CACNA1E: variants seen among roughly 807,000 people sequenced by gnomAD.
CACNA1E encodes the protein calcium voltage-gated channel subunit alpha1 E.
CACNA1E carries 40 observed loss-of-function variants against 259.2 expected under a neutral mutation model. That is an observed-to-expected ratio of 0.15 (90% CI 0.12 to 0.20). The LOEUF (loss-of-function observed/expected upper bound fraction) is 0.20, where lower values mean the gene tolerates loss of function less well. CACNA1E is among the 10% of genes least tolerant of loss of function. The pLI is 1.00. For synonymous variants in CACNA1E, 1,104 were observed against 1,138.5 expected (o/e 0.97, Z 0.61); for missense variants, 1,874 against 3,040.1 (o/e 0.62, Z 9.02).
chr1:181,558,619 T>C (rs1480495341), intron 3 of CACNA1E, among the ~76,000 whole-genome samples: 1 of 152,064 alleles, frequency 6.6e-6, no homozygotes, highest in Admixed American at 6.6e-5. Context: ...CAAAATTAGT[T>C]CAGGTGACTG....
intron 7 of CACNA1E, among the ~76,000 whole-genome samples, chr1:181,674,394 C>CAAAAAAAAAAA (rs10711497): frequency 2.3e-5 from 1 of 43,586 alleles, no homozygotes; most frequent in Non-Finnish European, 4.2e-5. Context: ...GACTCCATCT[C>CAAAAAAAAAAA]AAAAAAAAAA....
chr1:181,756,998 A>C lies in CACNA1E; in HGVS notation c.4201A>C (p.Ile1401Leu). Residue 1401 changes from isoleucine (I) to leucine (L), a missense_variant, in exon 30 of 48, where the codon ATC becomes CTC. Physicochemically the swap from Ile to Leu is conservative, Grantham distance 5. Transcript: ENST00000367573. ...CCGCAGCAACCGCATGGAGATGTCT[A>C]TCTTTTATGTAGTCTACTTTGTGGT... Reference protein sequence around the residue: ...PSRSNRMEMSIFYVVYFVVFP... With the variant: ...PSRSNRMEMSLFYVVYFVVFP... 6.2e-7 allele frequency: 1 copy of C among 1,613,772 alleles called. No homozygotes were observed. Among genetic ancestry groups the C allele is most frequent in the Non-Finnish European group, 8.5e-7 (1 of 1,179,656 alleles).
At chr1:181,649,485 A>G (rs188612965) in intron 6 of CACNA1E, among the ~76,000 whole-genome samples, 81 of 152,306 alleles carry the variant, frequency 5.3e-4, no homozygotes, top group South Asian at 5.0e-3. Context: ...CAACCCAGCA[A>G]TCCCATTACT....
rs1161320918 is a variant in CACNA1E at position 181,806,041 on chromosome 1, T to G, written c.*7207T>G. 2 of 152,236 alleles carry G rather than the reference T, an allele frequency of 1.3e-5. No homozygotes were observed. Among genetic ancestry groups the G allele is most frequent in the African/African-American group, 2.4e-5 (1 of 41,450 alleles). The allele number at this position is 152,236 out of a possible 1,614,324, so 9.4% of individuals were successfully genotyped here. A position where few individuals can be genotyped will look rare whatever the true frequency, so the allele number is the denominator to read the frequency against. The stretch of plus-strand genomic sequence containing the variant: ...TTAAACTCACCTAGGGTAGTGGCTT[T>G]GAAGGCCTCAGAGGATTAATAGATT... On this transcript the variant is annotated 3_prime_UTR_variant, in exon 48 of 48. Coordinates refer to ENST00000367573, the MANE Select transcript of CACNA1E (RefSeq NM_001205293.3).
intron 3 of CACNA1E, among the ~76,000 whole-genome samples, chr1:181,553,406 C>G (rs539310071): frequency 9.2e-5 from 14 of 152,034 alleles, no homozygotes; most frequent in Non-Finnish European, 1.6e-4. Context: ...TTTTGGGCTG[C>G]GATGATGGGG....
chr1:181,723,791 G>A (rs1654631738), intron 16 of CACNA1E, among the ~76,000 whole-genome samples: 1 of 152,214 alleles, frequency 6.6e-6, no homozygotes, highest in Non-Finnish European at 1.5e-5. Context: ...TGCAGTTGAA[G>A]AGGGGCAGAG....
chr1:181,418,149 T>C (rs1187270459), intron 2 of CACNA1E, among the ~76,000 whole-genome samples: 1 of 152,178 alleles, frequency 6.6e-6, no homozygotes, highest in Non-Finnish European at 1.5e-5. Context: ...TGAAACTCTT[T>C]TGTCCTTATT....
At chr1:181,579,882 G>A (rs1651351611) in intron 5 of CACNA1E, among the ~76,000 whole-genome samples, 1 of 152,164 alleles carries the variant, frequency 6.6e-6, no homozygotes, top group Non-Finnish European at 1.5e-5. Context: ...ACCCACACGT[G>A]GTATGGAAGA....
At chr1:181,447,397 G>A (rs186282805) in intron 2 of CACNA1E, among the ~76,000 whole-genome samples, 30 of 152,044 alleles carry the variant, frequency 2.0e-4, no homozygotes, top group African/African-American at 7.0e-4. Context: ...GCCAGGCATG[G>A]TGGTGTGCCT....
At chr1:181,717,000 G>C in intron 10 of CACNA1E, 93 bp from the exon 11 acceptor site, 1 of 996,630 alleles carries the variant, frequency 1.0e-6, no homozygotes, top group Non-Finnish European at 1.6e-6. Context: ...CCTTGCCCTG[G>C]GACTAGAGCA....
chr1:181,734,451 G>T (rs1162298055), intron 21 of CACNA1E, among the ~76,000 whole-genome samples: 1 of 144,242 alleles, frequency 6.9e-6, no homozygotes, highest in Non-Finnish European at 1.5e-5. Flanking sequence ...CCTTATCCTT[G>T]CCCTGACCCC....
At chr1:181,575,492 C>G (rs1650876885) in intron 3 of CACNA1E, among the ~76,000 whole-genome samples, 1 of 152,112 alleles carries the variant, frequency 6.6e-6, no homozygotes. Flanking sequence ...TTTTACTGCT[C>G]ACTCTTCTAT....
intron 1 of CACNA1E, among the ~76,000 whole-genome samples, chr1:181,359,190 T>A (rs934804974): frequency 6.6e-6 from 1 of 152,202 alleles, no homozygotes; most frequent in African/African-American, 2.4e-5. Flanking sequence ...CATATTGATA[T>A]AAGACACTGT....
chr1:181,604,051 C>T (rs538600931), intron 6 of CACNA1E, among the ~76,000 whole-genome samples: 5 of 152,184 alleles, frequency 3.3e-5, no homozygotes, highest in African/African-American at 7.2e-5. Flanking sequence ...ATCCTGGAAA[C>T]GCTGGTTTTA....
intron 6 of CACNA1E, among the ~76,000 whole-genome samples, chr1:181,630,641 A>G (rs1471965950): frequency 6.6e-6 from 1 of 152,042 alleles, no homozygotes; most frequent in East Asian, 1.9e-4. Flanking sequence ...TGCTTGGAGC[A>G]CCATGTGAGA....
intron 2 of CACNA1E, among the ~76,000 whole-genome samples, chr1:181,443,325 A>G (rs1222499058): frequency 6.6e-6 from 1 of 152,242 alleles, no homozygotes; most frequent in Non-Finnish European, 1.5e-5. Flanking sequence ...GTCTGCCTCC[A>G]GTAGATGTTT....
chr1:181,333,664 T>C (rs1037343536), intron 1 of CACNA1E, among the ~76,000 whole-genome samples: 10 of 152,040 alleles, frequency 6.6e-5, no homozygotes, highest in Admixed American at 4.6e-4. Flanking sequence ...TTTCTTTCTT[T>C]TTTTTTTTTG....
At chr1:181,337,993 T>C (rs1422241310) in intron 1 of CACNA1E, among the ~76,000 whole-genome samples, 1 of 152,206 alleles carries the variant, frequency 6.6e-6, no homozygotes, top group Non-Finnish European at 1.5e-5. Flanking sequence ...GTACAAGACA[T>C]TCCTTTTCTC....
At chr1:181,688,525 T>A (rs762163662) in intron 7 of CACNA1E, among the ~76,000 whole-genome samples, 2 of 152,212 alleles carry the variant, frequency 1.3e-5, no homozygotes, top group Non-Finnish European at 2.9e-5. Flanking sequence ...CTATCCTTTT[T>A]AAGTTATAAT....
Sources: allele counts gnomAD v4.1 joint callset (sites outside exome capture counted in the v4.1 genomes callset), GRCh38; gene constraint gnomAD v4.1.1; transcripts MANE v1.5; gene names NCBI Gene and HGNC (gene_info 2026-07-23, HGNC 2026-07-21).